Variants in TMEM145 observed in about 807,000 individuals in gnomAD.
TMEM145 encodes the protein transmembrane protein 145.
Under a neutral mutation model 68.5 loss-of-function variants are expected in TMEM145, and 46 were observed. The observed-to-expected ratio is 0.67, with a 90% CI of 0.53 to 0.86. The LOEUF is 0.86. TMEM145 is among the 40% of genes least tolerant of loss of function. TMEM145 has a pLI of 0.00. For missense variants in TMEM145, 570 were observed against 645.8 expected, an observed-to-expected ratio of 0.88 and a Z score of 1.27; for synonymous variants, 255 against 280.2, an observed-to-expected ratio of 0.91 and a Z score of 0.90.
intron 5 of TMEM145, 27 bp downstream of exon 5, chr19:42,314,878 G>T (rs199935777): frequency 1.2e-6 from 2 of 1,614,006 alleles, no homozygotes; most frequent in African/African-American, 2.7e-5. Flanking sequence ...GGTATATTGC[G>T]CTCAGCAAGT....
chr19:42,319,986 C>T (rs1209487155), intron 12 of TMEM145, among the ~76,000 whole-genome samples: 5 of 149,596 alleles, frequency 3.3e-5, no homozygotes, highest in Non-Finnish European at 7.4e-5. Context: ...CTCGAACTCC[C>T]AACCTCAGGT....
At position 42,324,790 on chromosome 19, in the gene TMEM145, G is replaced by GC; in HGVS notation, c.1460dup (p.Gly488TrpfsTer43). Reference sequence around the variant, plus strand: ...GGCTCCCGCTGTTCCGTGACCTCCGGCCCCCTGGCCCCCTTCGAGACCTCT... The same window carrying GC: ...GGCTCCCGCTGTTCCGTGACCTCCGGCCCCCCTGGCCCCCTTCGAGACCTCT... On this transcript the variant is annotated frameshift_variant, in exon 15 of 15. Coordinates refer to ENST00000301204, the MANE Select transcript of TMEM145 (RefSeq NM_173633.3). LOFTEE classifies it high-confidence loss of function. 1 of 1,567,546 alleles carries GC rather than the reference G, an allele frequency of 6.4e-7. No homozygotes were observed. Among genetic ancestry groups the GC allele is most frequent in the South Asian group, 1.2e-5 (1 of 86,282 alleles).
In TMEM145 at chr19:42,314,980, C is replaced by G. The variant is rs376920023; in HGVS notation, c.421-13C>G. On this transcript the variant is annotated splice_polypyrimidine_tract_variant and intron_variant, in intron 5 of 14. Coordinates refer to ENST00000301204, the MANE Select transcript of TMEM145 (RefSeq NM_173633.3). The stretch of plus-strand genomic sequence containing the variant: ...TGCCCAGGGCCCCCCTTAGGCCTCC[C>G]TACCCCCCACAGGGTGATGGATTGC... 1 of 1,613,984 alleles carries G rather than the reference C, an allele frequency of 6.2e-7. No individual in the cohort carries two copies. The highest frequency in any genetic ancestry group is 8.5e-7 in the Non-Finnish European group (1 of 1,179,956).
chr19:42,314,654 C>G lies in TMEM145; in HGVS notation c.315C>G (p.Asn105Lys). Residue 105 changes from asparagine to lysine, a missense_variant, in exon 4 of 15, where the codon AAC becomes AAG. Coordinates refer to ENST00000301204, the MANE Select transcript of TMEM145 (RefSeq NM_173633.3). ...AGTCAGTGATCCGGCCGGAGAACAA[C>G]CAGGTCATCAACCTCACCACCCAGT... The part of the protein sequence containing the change: ...AKESVIRPEN[N>K]QVINLTTQYA... 6.2e-7 allele frequency: 1 copy of G among 1,614,192 alleles called. No homozygotes were observed. Among genetic ancestry groups the G allele is most frequent in the Non-Finnish European group, 8.5e-7 (1 of 1,180,030 alleles).
intron 14 of TMEM145, 120 bp from the exon 15 acceptor site, chr19:42,324,617 T>G: frequency 7.5e-6 from 9 of 1,208,002 alleles, no homozygotes; most frequent in East Asian, 5.5e-5. Flanking sequence ...AGCTCGCCCA[T>G]CCCCGGCCTT....
In TMEM145 at chr19:42,314,358, C is replaced by T; in HGVS notation, c.195+12C>T. The T allele has an allele frequency of 1.2e-6, 2 of 1,614,092 alleles. No individual in the cohort carries two copies. The highest frequency in any genetic ancestry group is 1.1e-5 in the South Asian group (1 of 91,070). ...TCCGCTACCCTGAGGTGAGTCTCCC[C>T]CAACACTCGCCATGCTGAGGCTGGG... is the stretch of plus-strand genomic sequence containing the variant. On this transcript the variant is annotated intron_variant, in intron 2 of 14. Transcript: ENST00000301204.
chr19:42,319,571 C>T lies in TMEM145; in HGVS notation c.1074-746C>T, dbSNP rs530907830. 1.6e-4 allele frequency among the ~76,000 whole-genome samples: 24 copies of T among 152,054 alleles called. No homozygotes were observed. In the South Asian group the frequency reaches 2.3e-3, roughly 14 times the overall value. Reference sequence around the variant, plus strand: ...AAGTGATTCTTCTGCCTCAGCCTCCCGAGTAGCTGGGACTACAGGCGCATG... The same window carrying T: ...AAGTGATTCTTCTGCCTCAGCCTCCTGAGTAGCTGGGACTACAGGCGCATG... On this transcript the variant is annotated intron_variant, in intron 12 of 14. Transcript: ENST00000301204.
intron 12 of TMEM145, among the ~76,000 whole-genome samples, chr19:42,318,716 A>G (rs1381820842): frequency 6.6e-6 from 1 of 151,776 alleles, no homozygotes; most frequent in African/African-American, 2.4e-5. Context: ...GATCTCCTCA[A>G]AGGGATATCT....
intron 11 of TMEM145, 51 bp from the exon 12 acceptor site, chr19:42,317,658 T>C: frequency 6.2e-7 from 1 of 1,604,804 alleles, no homozygotes; most frequent in Non-Finnish European, 8.5e-7. Flanking sequence ...CCGGGGACCC[T>C]AATAGAGGGG....
intron 14 of TMEM145, chr19:42,324,389 C>A (rs970603389): frequency 9.1e-6 from 9 of 985,260 alleles, no homozygotes; most frequent in Non-Finnish European, 1.1e-5. Flanking sequence ...CGCTCGGTTC[C>A]CCAAGGCGGC....
At chr19:42,317,282 C>T (rs931704733) in intron 11 of TMEM145, among the ~76,000 whole-genome samples, 1 of 152,300 alleles carries the variant, frequency 6.6e-6, no homozygotes, top group Non-Finnish European at 1.5e-5. Context: ...CCTTGGGTGA[C>T]GACCCCTGTC....
intron 13 of TMEM145, among the ~76,000 whole-genome samples, chr19:42,321,940 G>A (rs1320937795): frequency 1.3e-5 from 2 of 152,214 alleles, no homozygotes; most frequent in Admixed American, 6.5e-5. Context: ...CCAGAGAGGA[G>A]AAGTGACGTG....
At chr19:42,318,162 T>C (rs1168052022) in intron 12 of TMEM145, among the ~76,000 whole-genome samples, 1 of 143,850 alleles carries the variant, frequency 7.0e-6, no homozygotes, top group African/African-American at 2.6e-5. Flanking sequence ...GGTCAGGAGA[T>C]TGAGACCATC....
At position 42,313,457 on chromosome 19, in the gene TMEM145, C is replaced by G; in HGVS notation, c.81C>G (p.Ala27=). The G allele has an allele frequency of 7.3e-7, 1 of 1,368,846 alleles. No homozygotes were observed. Among genetic ancestry groups the G allele is most frequent in the Non-Finnish European group, 9.5e-7 (1 of 1,057,182 alleles). The allele number at this position is 1,368,846 out of a possible 1,614,324, so 84.8% of individuals were successfully genotyped here. The part of the protein sequence containing the change: ...LLLLLSLPPR[A]RAKYVRGNLS... ...TGCTGCTGTCACTGCCCCCCCGCGCCCGGGCCAAGTACGTGCGGGGCAACC... is the reference window on the plus strand; with the variant it reads ...TGCTGCTGTCACTGCCCCCCCGCGCGCGGGCCAAGTACGTGCGGGGCAACC... The change falls in exon 1 of 15, where the codon GCC becomes GCG. Residue 27 remains alanine, a synonymous_variant. Coordinates refer to ENST00000301204, the MANE Select transcript of TMEM145 (RefSeq NM_173633.3). The surrounding 1 kb of genome is among the most constrained non-coding windows in gnomAD (Gnocchi z 5.1).
At chr19:42,315,536 T>G in intron 8 of TMEM145, 96 bp downstream of exon 8, 1 of 1,271,968 alleles carries the variant, frequency 7.9e-7, no homozygotes. Context: ...CCTGGACTCC[T>G]GGGTCCTGGG....
chr19:42,317,522 T>C (rs1012284100), intron 11 of TMEM145, among the ~76,000 whole-genome samples, 187 bp from the exon 12 acceptor site: 7 of 152,100 alleles, frequency 4.6e-5, no homozygotes, highest in African/African-American at 1.4e-4. Flanking sequence ...CAGTAACTGA[T>C]TTATTCTCTT....
intron 12 of TMEM145, among the ~76,000 whole-genome samples, chr19:42,318,377 A>C (rs1415361194): frequency 1.3e-5 from 2 of 149,410 alleles, no homozygotes; most frequent in East Asian, 3.9e-4. Context: ...CAAAAAAAAA[A>C]AAAAAAAACC....
In TMEM145 at chr19:42,324,315, C is replaced by A. The variant is rs2038946598; in HGVS notation, c.1402-422C>A. The A allele has an allele frequency of 5.1e-6, 5 of 985,218 alleles. No homozygotes were observed. In the South Asian group the frequency reaches 1.9e-4, roughly 37 times the overall value. The allele number at this position is 985,218 out of a possible 1,614,324, so 61.0% of individuals were successfully genotyped here. ...GTGGAGGAGACAGCGGTGGCGGCGG[C>A]GGTGGCCCCGAGGGGCCGCGTGGTG... On this transcript the variant is annotated intron_variant, in intron 14 of 14. Coordinates refer to ENST00000301204, the MANE Select transcript of TMEM145 (RefSeq NM_173633.3).
intron 13 of TMEM145, chr19:42,321,191 C>T (rs1011595020): frequency 7.5e-6 from 3 of 398,542 alleles, no homozygotes; most frequent in Non-Finnish European, 8.8e-6. Flanking sequence ...AGCTTTTGGG[C>T]TCCTGGGTCG....
Sources: allele counts gnomAD v4.1 joint callset (sites outside exome capture counted in the v4.1 genomes callset), GRCh38; gene constraint gnomAD v4.1.1; non-coding constraint Gnocchi (gnomAD v3.1); transcripts MANE v1.5; gene names NCBI Gene and HGNC (gene_info 2026-07-23, HGNC 2026-07-21).